The following CACNA2D2 variants were observed in gnomAD, a reference collection of about 807,000 sequenced individuals.
The protein encoded by CACNA2D2 is calcium voltage-gated channel auxiliary subunit alpha2delta 2.
CACNA2D2 carries 48 observed loss-of-function variants against 166.4 expected under a neutral mutation model. The observed-to-expected ratio is 0.29, with a 90% CI of 0.23 to 0.37. The LOEUF (loss-of-function observed/expected upper bound fraction) is 0.37, where lower values mean the gene tolerates loss of function less well. CACNA2D2 is among the 10% of genes least tolerant of loss of function. The pLI is 1.00. For missense variants in CACNA2D2, 1,122 were observed against 1,433.0 expected, an observed-to-expected ratio of 0.78 and a Z score of 3.50; for synonymous variants, 561 against 573.7, an observed-to-expected ratio of 0.98 and a Z score of 0.32.
intron 4 of CACNA2D2, among the ~76,000 whole-genome samples, chr3:50,392,481 G>GA (rs1162503471): frequency 2.0e-5 from 3 of 152,204 alleles, no homozygotes; most frequent in African/African-American, 7.2e-5. Flanking sequence ...GGAGGCAGAT[G>GA]AACAAGGCCG....
intron 2 of CACNA2D2, among the ~76,000 whole-genome samples, chr3:50,462,421 AATAATAATAATG>A (rs1185774680): frequency 4.1e-5 from 6 of 147,240 alleles, no homozygotes; most frequent in Admixed American, 6.8e-5. Flanking sequence ...TAATAATAAT[AATAATAATAATG>A]ATAATAATAA....
chr3:50,406,182 T>C (rs942486928), intron 3 of CACNA2D2, among the ~76,000 whole-genome samples: 1 of 151,776 alleles, frequency 6.6e-6, no homozygotes, highest in African/African-American at 2.4e-5. Context: ...GGAGAAGACA[T>C]GCACAGCTAA....
chr3:50,365,526 C>T lies in CACNA2D2; in HGVS notation c.2972-44G>A, dbSNP rs765192901. On this transcript the variant is annotated intron_variant, in intron 34 of 37. Coordinates refer to ENST00000424201, the MANE Select transcript of CACNA2D2 (RefSeq NM_006030.4). This position sits in a 1 kb window ranked among gnomAD's most constrained non-coding sequence, Gnocchi z 4.5. ...CCTCAGCTCCGCCCACAGACCCTGGCAAGGTCTCCGGCCTCCCTCAGTCGT... is the reference window on the plus strand; with the variant it reads ...CCTCAGCTCCGCCCACAGACCCTGGTAAGGTCTCCGGCCTCCCTCAGTCGT... The T allele has an allele frequency of 1.9e-6, 3 of 1,605,712 alleles. No individual in the cohort carries two copies. Among genetic ancestry groups the T allele is most frequent in the East Asian group, 2.2e-5 (1 of 44,574 alleles).
intron 3 of CACNA2D2, among the ~76,000 whole-genome samples, chr3:50,421,764 C>G (rs1452767519): frequency 6.6e-6 from 1 of 152,144 alleles, no homozygotes; most frequent in African/African-American, 2.4e-5. Context: ...CTTCAAGCCC[C>G]TCAGAACTCT....
intron 2 of CACNA2D2, among the ~76,000 whole-genome samples, chr3:50,462,034 A>T (rs570314169): frequency 1.3e-5 from 2 of 152,308 alleles, no homozygotes; most frequent in African/African-American, 4.8e-5. Flanking sequence ...CAGGTCAGAT[A>T]AAGTGGCGGG....
chr3:50,408,412 C>T (rs1278704575), intron 3 of CACNA2D2, among the ~76,000 whole-genome samples: 2 of 152,244 alleles, frequency 1.3e-5, no homozygotes, highest in Non-Finnish European at 2.9e-5. Flanking sequence ...AAGCCAAGCA[C>T]TGGTTGGCCC....
In CACNA2D2 at chr3:50,378,085, C is replaced by T; in HGVS notation, c.1402G>A (p.Val468Met). 1 of 1,613,584 alleles carries T rather than the reference C, an allele frequency of 6.2e-7. No homozygotes were observed. Among genetic ancestry groups the T allele is most frequent in the Non-Finnish European group, 8.5e-7 (1 of 1,180,020 alleles). Residue 468 changes from valine (V) to methionine (M), a missense_variant, in exon 15 of 38, where the codon GTG becomes ATG. Around this residue, in one of 2 missense-constraint regions of CACNA2D2, gnomAD observed 840 missense variants for 1,166.8 expected, o/e 0.72. Coordinates refer to ENST00000424201, the MANE Select transcript of CACNA2D2 (RefSeq NM_006030.4). The part of the protein sequence containing the change: ...IRINTQEYLD[V>M]LGRPMVLAGK... The stretch of plus-strand genomic sequence containing the variant: ...GCCAGCACCATGGGCCTGCCCAACA[C>T]ATCTAGATATTCCTGGGGAGGGGGC...
At chr3:50,437,675 T>C (rs531974011) in intron 2 of CACNA2D2, among the ~76,000 whole-genome samples, 8 of 152,164 alleles carry the variant, frequency 5.3e-5, no homozygotes, top group Non-Finnish European at 1.0e-4. Flanking sequence ...CATCTCTACA[T>C]TGATGTGGTC....
Position 50,378,902 on chromosome 3 carries a change from G to T in CACNA2D2, c.1339+13C>A. 6.2e-7 allele frequency: 1 copy of T among 1,612,968 alleles called. No individual in the cohort carries two copies. The highest frequency in any genetic ancestry group is 8.5e-7 in the Non-Finnish European group (1 of 1,179,454). On this transcript the variant is annotated intron_variant, in intron 13 of 37. Transcript: ENST00000424201. ...GCAGGCAGGCCCCTGACAGTGATGCGCAGGGGAGGTACCTTTGTTGGCACA... is the reference window on the plus strand; with the variant it reads ...GCAGGCAGGCCCCTGACAGTGATGCTCAGGGGAGGTACCTTTGTTGGCACA...
At chr3:50,371,314 T>C (rs587665955) in intron 22 of CACNA2D2, among the ~76,000 whole-genome samples, 15 of 152,150 alleles carry the variant, frequency 9.9e-5, no homozygotes, top group South Asian at 2.1e-4. Flanking sequence ...CCTGGGCTTA[T>C]GAGCTGTGCA....
At chr3:50,496,885 C>T (rs944354307) in intron 1 of CACNA2D2, among the ~76,000 whole-genome samples, 1 of 152,192 alleles carries the variant, frequency 6.6e-6, no homozygotes, top group African/African-American at 2.4e-5. Flanking sequence ...GAAAGGGGCC[C>T]AGGGTCTAAG....
At chr3:50,477,896 T>C (rs941637669) in intron 1 of CACNA2D2, among the ~76,000 whole-genome samples, 1 of 152,156 alleles carries the variant, frequency 6.6e-6, no homozygotes, top group African/African-American at 2.4e-5. Context: ...AGCCTCTACC[T>C]GGCCTCCTGC....
At chr3:50,441,974 C>A (rs1171190873) in intron 2 of CACNA2D2, among the ~76,000 whole-genome samples, 1 of 152,210 alleles carries the variant, frequency 6.6e-6, no homozygotes, top group Non-Finnish European at 1.5e-5. Flanking sequence ...ACTATTCCAG[C>A]CCAGCTGTCA....
intron 2 of CACNA2D2, among the ~76,000 whole-genome samples, chr3:50,471,869 G>A (rs1710113637): frequency 6.6e-6 from 1 of 152,234 alleles, no homozygotes; most frequent in Non-Finnish European, 1.5e-5. Flanking sequence ...TGGGGGCAGA[G>A]AAGATGGAGT....
chr3:50,468,435 G>GTT (rs1709922166), intron 2 of CACNA2D2, among the ~76,000 whole-genome samples: 1 of 145,960 alleles, frequency 6.9e-6, no homozygotes, highest in Non-Finnish European at 1.5e-5. Flanking sequence ...GTGTGTGTGT[G>GTT]TGTGTGGCTT....
intron 3 of CACNA2D2, among the ~76,000 whole-genome samples, chr3:50,410,568 C>A (rs1224428051): frequency 1.3e-5 from 2 of 152,148 alleles, no homozygotes; most frequent in African/African-American, 4.8e-5. Context: ...ACCTGATTCC[C>A]AGCCCACTGC....
At chr3:50,486,447 G>A (rs1274130252) in intron 1 of CACNA2D2, among the ~76,000 whole-genome samples, 1 of 151,672 alleles carries the variant, frequency 6.6e-6, no homozygotes, top group African/African-American at 2.4e-5. Context: ...ACAAATAGCT[G>A]TCCTCTGTAT....
At chr3:50,423,921 A>C (rs749599189) in intron 3 of CACNA2D2, among the ~76,000 whole-genome samples, 8 of 152,364 alleles carry the variant, frequency 5.3e-5, no homozygotes, top group Admixed American at 4.6e-4. Flanking sequence ...ATTGTTCTAC[A>C]CACGGGGCGG....
At position 50,394,148 on chromosome 3, in the gene CACNA2D2, C is replaced by T. The variant is rs1706025929; in HGVS notation, c.426G>A (p.Glu142=). Residue 142 remains glutamate, a synonymous_variant, in exon 4 of 38, where the codon GAG becomes GAA. Transcript: ENST00000424201. ...QALKRLADAA[E]NFQKAHRWQD... is the part of the protein sequence containing the mutation. ...GCCAGCGGTGTGCTTTCTGGAAGTT[C>T]TCTGCAGCATCAGCCAGTCTCTGAG... The T allele has an allele frequency of 1.9e-6, 3 of 1,613,980 alleles. No homozygotes were observed. Among genetic ancestry groups the T allele is most frequent in the African/African-American group, 2.7e-5 (2 of 74,912 alleles).
Sources: gnomAD v4.1 joint callset for allele counts (sites outside exome capture counted in the v4.1 genomes callset) on GRCh38, gnomAD v4.1.1 for gene constraint, gnomAD v4.1.1 regional missense constraint, Gnocchi (gnomAD v3.1) non-coding constraint, MANE v1.5 for transcripts, NCBI Gene and HGNC (gene_info 2026-07-23, HGNC 2026-07-21) for gene names.